Variants in NBPF12 observed in about 807,000 individuals in gnomAD.
NBPF12 encodes the protein NBPF family member NBPF12.
Under a neutral mutation model 146.4 loss-of-function variants are expected in NBPF12, and 115 were observed. The observed-to-expected ratio is 0.79, with a 90% CI of 0.68 to 0.92. The LOEUF (loss-of-function observed/expected upper bound fraction) is 0.92. Ranked by LOEUF, NBPF12 falls within the 40% of genes least tolerant of loss-of-function variation. NBPF12 has a pLI of 0.00. For missense variants in NBPF12, 1,205 were observed against 1,326.8 expected (o/e 0.91, Z 1.43); for synonymous variants, 385 against 508.9 (o/e 0.76, Z 3.28).
rs1234489280 is a variant in NBPF12 at position 146,953,508 on chromosome 1, C to T, written c.-184+2019C>T. 4.9e-3 allele frequency among the ~76,000 whole-genome samples: 683 copies of T among 139,090 alleles called. 5 individuals carry two copies. The highest frequency in any genetic ancestry group is 0.018 in the African/African-American group (644 of 36,196). 91.2% of individuals were successfully genotyped at this position (139,090 alleles called of 152,430 possible). A position where few individuals can be genotyped will look rare whatever the true frequency, so the allele number is the denominator to read the frequency against. On this transcript the variant is annotated intron_variant, in intron 2 of 33. Coordinates refer to ENST00000617844, the Ensembl canonical transcript of NBPF12. ...ACAGGCGTGAGCCACCATGCCCGGC[C>T]TCTTTTTTATATTTAAAAAATATCA...
chr1:146,949,246 T>A (rs2101820401), upstream of NBPF12: 1 of 150,960 alleles, frequency 6.6e-6, no homozygotes, highest in African/African-American at 2.4e-5. Flanking sequence ...TCCAAGTCTC[T>A]CCTTCCACCT....
chr1:146,958,014 TAA>T (rs1655680890), intron 2 of NBPF12, among the ~76,000 whole-genome samples: 1 of 120,742 alleles, frequency 8.3e-6, no homozygotes, highest in African/African-American at 2.8e-5. Flanking sequence ...TGTGTATATA[TAA>T]ATAATACATA....
At chr1:146,946,204 G>T (rs1423643237), upstream of NBPF12, among the ~76,000 whole-genome samples, 1 of 151,316 alleles carries the variant, frequency 6.6e-6, no homozygotes, top group African/African-American at 2.4e-5. Flanking sequence ...AGACGTCTTG[G>T]GTACTTCCAA....
chr1:146,946,224 A>G (rs1420591201), upstream of NBPF12, among the ~76,000 whole-genome samples: 1 of 151,222 alleles, frequency 6.6e-6, no homozygotes, highest in Non-Finnish European at 1.5e-5. Flanking sequence ...AGTTTTGACA[A>G]TTATGATAAA....
chr1:146,972,823 C>T, exon 14 of NBPF12: 1 of 1,366,410 alleles, frequency 7.3e-7, no homozygotes, highest in Admixed American at 1.7e-5. Context: ...AGCGAGAAGG[C>T]AGAGATGAAC....
chr1:146,944,982 G>C (rs1191218009), upstream of NBPF12, among the ~76,000 whole-genome samples: 53 of 6,974 alleles, frequency 7.6e-3, no homozygotes, highest in African/African-American at 0.015. Context: ...CTCCCTCCCT[G>C]CCTTCCTTCC....
At chr1:146,966,394 C>T (rs1656212501) in intron 8 of NBPF12, 70 bp from the exon 12 acceptor site, 1 of 1,233,780 alleles carries the variant, frequency 8.1e-7, no homozygotes, top group Non-Finnish European at 1.2e-6. Flanking sequence ...TGACATCCCT[C>T]AGTCCTGATT....
upstream of NBPF12, chr1:146,938,659 C>T (rs1654640688): frequency 1.3e-5 from 2 of 152,160 alleles, no homozygotes; most frequent in Admixed American, 6.5e-5. Flanking sequence ...GCCCGCGGCC[C>T]GAACCCGTTG....
Position 146,960,322 on chromosome 1 carries a change from A to C in NBPF12, c.175+4A>C. 7.0e-7 allele frequency: 1 copy of C among 1,420,794 alleles called. No homozygotes were observed. Among genetic ancestry groups the C allele is most frequent in the East Asian group, 2.3e-5 (1 of 44,004 alleles). The allele number at this position is 1,420,794 out of a possible 1,614,324, so 88.0% of individuals were successfully genotyped here. ...GCCAACCGACAGAAGAAATACAGTA[A>C]GATCTATAGGCTCACCATCATGAAA... On this transcript the variant is annotated splice_donor_region_variant and intron_variant, in intron 4 of 33. Coordinates refer to ENST00000617844, the Ensembl canonical transcript of NBPF12.
At position 146,974,899 on chromosome 1, in the gene NBPF12, G is replaced by C. The variant is rs1421442383; in HGVS notation, c.1904+58G>C. ...CAGGTGTGTAAATCTCTGAAGTACA[G>C]TAGCTCAGTGGGGAGACGTAAGAGC... On this transcript the variant is annotated intron_variant, in intron 15 of 33. Transcript: ENST00000617844. 1.9e-6 allele frequency: 2 copies of C among 1,029,466 alleles called. 1 individual carries two copies. Among genetic ancestry groups the C allele is most frequent in the East Asian group, 5.9e-5 (2 of 33,722 alleles). 63.8% of individuals were successfully genotyped at this position (1,029,466 alleles called of 1,614,324 possible). A position where few individuals can be genotyped will look rare whatever the true frequency, so the allele number is the denominator to read the frequency against.
intron 13 of NBPF12, 132 bp downstream of exon 16, chr1:146,971,526 A>C: frequency 1.3e-6 from 1 of 784,192 alleles, no homozygotes. Flanking sequence ...GCTGTGACTC[A>C]CACATATAAT....
At chr1:146,980,093 T>C (rs1240233609) in intron 19 of NBPF12, among the ~76,000 whole-genome samples, 1 of 151,248 alleles carries the variant, frequency 6.6e-6, no homozygotes, top group African/African-American at 2.4e-5. Flanking sequence ...TCTTTTGATA[T>C]TTGTTGGTTT....
intron 2 of NBPF12, 51 bp from the exon 6 acceptor site, chr1:146,959,808 C>A: frequency 3.0e-5 from 3 of 101,656 alleles, no homozygotes; most frequent in East Asian, 4.3e-4. Flanking sequence ...ATGCAGGGCT[C>A]CTAAGATTCC....
At chr1:146,975,970 AGTTGT>A in intron 16 of NBPF12, 79 bp downstream of exon 19, 2 of 1,212,354 alleles carry the variant, frequency 1.6e-6, no homozygotes, top group South Asian at 2.5e-5. Flanking sequence ...TCACAATGAC[AGTTGT>A]ATCAATGGTG....
exon 9 of NBPF12, chr1:146,966,572 G>T: frequency 1.4e-6 from 2 of 1,393,766 alleles, no homozygotes; most frequent in Non-Finnish European, 1.0e-6. Flanking sequence ...GAGAAGTTGC[G>T]CCCCCAGCTG....
At position 146,964,337 on chromosome 1, in the gene NBPF12, T is replaced by C. The variant is rs1553885230; in HGVS notation, c.494-20T>C. The C allele has an allele frequency of 4.1e-3, 6,548 of 1,601,884 alleles. 356 individuals are homozygous for C. In the African/African-American group the frequency reaches 0.073, roughly 18 times the overall value. On this transcript the variant is annotated intron_variant, in intron 6 of 33. Coordinates refer to ENST00000617844, the Ensembl canonical transcript of NBPF12. Reference sequence around the variant, plus strand: ...GAATGTGAAGTGGGACATATCTGAATGAACATTTTGTATTTATAGAAAATG... The same window carrying C: ...GAATGTGAAGTGGGACATATCTGAACGAACATTTTGTATTTATAGAAAATG...
At position 146,975,088 on chromosome 1, in the gene NBPF12, T is replaced by A. The variant is rs1256257898; in HGVS notation, c.1904+247T>A. Among the ~76,000 whole-genome samples the A allele has an allele frequency of 1.1e-3, 141 of 125,366 alleles. 10 individuals carry two copies. Among genetic ancestry groups the A allele is most frequent in the African/African-American group, 4.2e-3 (125 of 29,942 alleles). 82.2% of individuals were successfully genotyped at this position (125,366 alleles called of 152,430 possible). A position where few individuals can be genotyped will look rare whatever the true frequency, so the allele number is the denominator to read the frequency against. ...AGTAATTGTTGATGTGAAATTTACA[T>A]AACACAAAATTAACCAAAGGAGTGT... On this transcript the variant is annotated intron_variant, in intron 15 of 33. Coordinates refer to ENST00000617844, the Ensembl canonical transcript of NBPF12.
chr1:146,940,903 C>T (rs1553882772), intron 1 of NBPF12, among the ~76,000 whole-genome samples: 120,343 of 151,670 alleles, frequency 0.79, 48,423 homozygotes, highest in East Asian at 1. Context: ...TGTCCTCTTT[C>T]ATGAAGTGCC....
At chr1:146,938,675 T>C (rs1214033260), upstream of NBPF12, 4 of 151,916 alleles carry the variant, frequency 2.6e-5, no homozygotes, top group East Asian at 7.8e-4. Flanking sequence ...CGTTGTGCGG[T>C]AGAGGCAGCC....
Sources: gnomAD v4.1 joint callset for allele counts (sites outside exome capture counted in the v4.1 genomes callset) on GRCh38, gnomAD v4.1.1 for gene constraint, MANE v1.5 for transcripts, NCBI Gene and HGNC (gene_info 2026-07-23, HGNC 2026-07-21) for gene names.